Variants in ETFA observed in about 807,000 individuals in gnomAD.
ETFA encodes the protein electron transfer flavoprotein subunit alpha, mitochondrial.
A neutral mutation model predicts 46.2 loss-of-function variants in ETFA; 22 were observed. The ratio of observed to expected loss-of-function variants is 0.48; its 90% CI spans 0.34 to 0.68. ETFA has a LOEUF of 0.68. ETFA is among the 30% of genes least tolerant of loss of function. The probability of loss-of-function intolerance (pLI) is 0.01; values close to 1 mark genes in which losing one functional copy is unlikely to be tolerated. For missense variants in ETFA, 345 were observed against 401.1 expected, an observed-to-expected ratio of 0.86 and a Z score of 1.19; for synonymous variants, 131 against 139.9, an observed-to-expected ratio of 0.94 and a Z score of 0.45.
chr15:76,270,562 T>C (rs537216353), intron 9 of ETFA, among the ~76,000 whole-genome samples: 4 of 152,276 alleles, frequency 2.6e-5, no homozygotes, highest in Middle Eastern at 3.4e-3. Flanking sequence ...TCAATAGCAA[T>C]GAACATAACT....
At chr15:76,287,756 T>C (rs1345531012) in intron 5 of ETFA, 90 bp downstream of exon 5, 1 of 977,568 alleles carries the variant, frequency 1.0e-6, no homozygotes, top group East Asian at 2.7e-5. Flanking sequence ...AGCAATTGTA[T>C]GGTTTGATTT....
chr15:76,283,706 A>G (rs775421887), intron 8 of ETFA, 51 bp downstream of exon 8: 4 of 1,202,968 alleles, frequency 3.3e-6, no homozygotes, highest in Non-Finnish European at 4.9e-6. Context: ...ATGAAGAAAA[A>G]ATATTTCCAA....
At chr15:76,260,749 G>C in intron 9 of ETFA, 1 of 1,605,386 alleles carries the variant, frequency 6.2e-7, no homozygotes, top group Non-Finnish European at 8.5e-7. Flanking sequence ...GCTGGGGCTA[G>C]ACCCTTGGTC....
chr15:76,277,414 A>G (rs2039603856), intron 8 of ETFA, among the ~76,000 whole-genome samples: 1 of 151,764 alleles, frequency 6.6e-6, no homozygotes, highest in African/African-American at 2.4e-5. Flanking sequence ...TCTAATTTTC[A>G]CCATGTGGAA....
intron 2 of ETFA, among the ~76,000 whole-genome samples, chr15:76,294,951 A>G (rs1227312031): frequency 1.3e-5 from 2 of 152,198 alleles, no homozygotes; most frequent in East Asian, 3.8e-4. Context: ...AGCAACTCCT[A>G]TACCATGTGA....
intron 11 of ETFA, 121 bp from the exon 12 acceptor site, chr15:76,216,718 G>GC: frequency 1.4e-6 from 1 of 708,054 alleles, no homozygotes; most frequent in East Asian, 2.6e-5. Flanking sequence ...AGGCACGAGG[G>GC]CCCCCTCCTC....
At chr15:76,261,441 G>T in intron 9 of ETFA, 1 of 927,576 alleles carries the variant, frequency 1.1e-6, no homozygotes, top group Non-Finnish European at 1.7e-6. Flanking sequence ...GGATGAACCA[G>T]TTCTGGACCA....
At chr15:76,239,027 A>G (rs2039155950) in intron 9 of ETFA, among the ~76,000 whole-genome samples, 1 of 152,276 alleles carries the variant, frequency 6.6e-6, no homozygotes, top group African/African-American at 2.4e-5. Flanking sequence ...CTGTTTTATT[A>G]GAATTCAAGA....
Position 76,256,774 on chromosome 15 carries a change from C to T in ETFA, c.816+17638G>A, listed in dbSNP as rs570055088. Among the ~76,000 whole-genome samples, 64 of 152,274 alleles carry T rather than the reference C, an allele frequency of 4.2e-4. 1 individual carries two copies. The South Asian group carries it at 0.01, about 24-fold the overall frequency. ...TAATGAATCTGAAAAATTCCTATCA[C>T]CTCAGTGATGTCATAGACATTGTAA... On this transcript the variant is annotated intron_variant, in intron 9 of 11. Transcript: ENST00000557943.
chr15:76,223,222 T>TTTC, intron 11 of ETFA, among the ~76,000 whole-genome samples: 1 of 149,362 alleles, frequency 6.7e-6, no homozygotes, highest in East Asian at 2.0e-4. Context: ...AGAACTTTTT[T>TTTC]TTTTTTTTTT....
At chr15:76,257,623 A>C (rs923982397) in intron 9 of ETFA, among the ~76,000 whole-genome samples, 1 of 152,138 alleles carries the variant, frequency 6.6e-6, no homozygotes. Context: ...TTCCTCAGGG[A>C]TCTAGAACTA....
chr15:76,276,265 T>C (rs929473091), intron 8 of ETFA, among the ~76,000 whole-genome samples: 2 of 152,040 alleles, frequency 1.3e-5, no homozygotes, highest in African/African-American at 4.8e-5. Flanking sequence ...ACTTTAAACA[T>C]TTTACTACAC....
intron 9 of ETFA, among the ~76,000 whole-genome samples, chr15:76,244,832 T>C (rs2039229896): frequency 6.6e-6 from 1 of 152,216 alleles, no homozygotes; most frequent in African/African-American, 2.4e-5. Context: ...TGTCAATTTA[T>C]CATTATTGGT....
rs2039094467 is a variant in ETFA at position 76,233,811 on chromosome 15, A to G, written c.817-2413T>C. ...AGCTAGACACCACTCTTTTAGGTAT[A>G]TTCTCAAAGCAAGCATTGGAAAAGA... is the stretch of plus-strand genomic sequence containing the variant. On this transcript the variant is annotated intron_variant, in intron 9 of 11. Coordinates refer to ENST00000557943, the MANE Select transcript of ETFA (RefSeq NM_000126.4). Among the ~76,000 whole-genome samples the G allele has an allele frequency of 2.0e-5, 3 of 152,350 alleles. No homozygotes were observed. In the South Asian group the frequency reaches 6.2e-4, roughly 32 times the overall value.
chr15:76,230,369 G>A (rs2039054480), intron 10 of ETFA: 1 of 72,662 alleles, frequency 1.4e-5, no homozygotes, highest in South Asian at 5.4e-4. Flanking sequence ...TGGGACTACA[G>A]GCGCCCGCTA....
chr15:76,260,032 G>A (rs1205828872), intron 9 of ETFA: 1 of 1,476,826 alleles, frequency 6.8e-7, no homozygotes, highest in Admixed American at 1.7e-5. Flanking sequence ...AATGTCACTT[G>A]AGGCAATGAG....
chr15:76,263,232 CT>C (rs1227640571), intron 9 of ETFA, among the ~76,000 whole-genome samples: 3 of 152,196 alleles, frequency 2.0e-5, no homozygotes, highest in Non-Finnish European at 4.4e-5. Context: ...CGTTGGCCCC[CT>C]GGTCCCACTT....
intron 11 of ETFA, among the ~76,000 whole-genome samples, chr15:76,220,753 A>G (rs1395248055): frequency 2.6e-5 from 4 of 152,238 alleles, no homozygotes; most frequent in African/African-American, 4.8e-5. Flanking sequence ...CATCAGGGAA[A>G]TACAAATCAA....
chr15:76,258,856 C>A, intron 9 of ETFA: 1 of 662,966 alleles, frequency 1.5e-6, no homozygotes, highest in Non-Finnish European at 2.6e-6. Context: ...GGCTTCCCAG[C>A]ACAGCTTGGG....
Sources: gnomAD v4.1 joint callset for allele counts (sites outside exome capture counted in the v4.1 genomes callset) on GRCh38, gnomAD v4.1.1 for gene constraint, MANE v1.5 for transcripts, NCBI Gene and HGNC (gene_info 2026-07-23, HGNC 2026-07-21) for gene names.